NCOR2: variants seen among roughly 807,000 people sequenced by gnomAD.
NCOR2 encodes CTG repeat protein 26.
Under a neutral mutation model 262.9 loss-of-function variants are expected in NCOR2, and 81 were observed. The ratio of observed to expected loss-of-function variants is 0.31; its 90% confidence interval spans 0.26 to 0.37. The LOEUF (loss-of-function observed/expected upper bound fraction) is 0.37. Ranked by LOEUF, NCOR2 falls within the 10% of genes least tolerant of loss-of-function variation. The probability of loss-of-function intolerance (pLI) is 1.00; values close to 1 mark genes in which losing one functional copy is unlikely to be tolerated. For synonymous variants in NCOR2, 1,659 were observed against 1,559.3 expected, an observed-to-expected ratio of 1.06 and a Z score of -1.51; for missense variants, 3,385 against 3,621.4, an observed-to-expected ratio of 0.93 and a Z score of 1.68.
At chr12:124,489,840 G>C (rs1176283622) in intron 1 of NCOR2, among the ~76,000 whole-genome samples, 1 of 152,192 alleles carries the variant, frequency 6.6e-6, no homozygotes, top group East Asian at 1.9e-4. Flanking sequence ...CTAGATGCGG[G>C]GGGATGTTTG....
At chr12:124,527,735 T>C (rs1377449493) in intron 1 of NCOR2, among the ~76,000 whole-genome samples, 1 of 152,128 alleles carries the variant, frequency 6.6e-6, no homozygotes, top group Admixed American at 6.5e-5. Flanking sequence ...TTAAATAAAT[T>C]ATAACATGTG....
At chr12:124,369,948 C>T (rs1415327866) in intron 20 of NCOR2, among the ~76,000 whole-genome samples, 1 of 152,194 alleles carries the variant, frequency 6.6e-6, no homozygotes, top group Non-Finnish European at 1.5e-5. Flanking sequence ...CAGTCCGGGG[C>T]CAGCCACATG....
upstream of NCOR2, among the ~76,000 whole-genome samples, chr12:124,498,255 G>A (rs573742927): frequency 5.9e-5 from 9 of 152,282 alleles, no homozygotes; most frequent in East Asian, 1.7e-3. Context: ...GGGGGTGACA[G>A]GCCCCTGGCA....
intron 10 of NCOR2, among the ~76,000 whole-genome samples, chr12:124,427,771 C>G (rs1201272235): frequency 1.3e-5 from 2 of 152,168 alleles, no homozygotes; most frequent in South Asian, 4.1e-4. Context: ...ACCCCCGGCA[C>G]GGCCACAGGC....
At chr12:124,325,381 C>CCA (rs1555297240) in exon 47 of NCOR2, 3 of 380,678 alleles carry the variant, frequency 7.9e-6, no homozygotes, top group East Asian at 4.5e-5. Context: ...GACACCGCCC[C>CCA]CCCCCCCGCC....
At chr12:124,473,068 C>G (rs1437097444) in exon 4 of NCOR2, 2 of 1,614,136 alleles carry the variant, frequency 1.2e-6, no homozygotes, top group Non-Finnish European at 1.7e-6. Flanking sequence ...AGCTCCAGCT[C>G]AGGGTCAGTG....
intron 37 of NCOR2, 102 bp downstream of exon 39, chr12:124,339,904 C>CCCCTCCCCTAT: frequency 1.2e-5 from 9 of 776,806 alleles, no homozygotes; most frequent in South Asian, 5.5e-5. Flanking sequence ...CCCACCCACC[C>CCCCTCCCCTAT]ACCTCCCATA....
chr12:124,439,259 AGATG>A (rs1565945463), intron 7 of NCOR2, among the ~76,000 whole-genome samples: 13,718 of 80,920 alleles, frequency 0.17, 5 homozygotes, highest in South Asian at 0.2. Context: ...AGAGAGAGAG[AGATG>A]GAGACCCTGA....
chr12:124,461,391 C>A (rs542842147), intron 5 of NCOR2, among the ~76,000 whole-genome samples: 3 of 152,238 alleles, frequency 2.0e-5, no homozygotes, highest in Admixed American at 6.5e-5. Flanking sequence ...CTCTCGCCAG[C>A]CAACTGAGAT....
chr12:124,408,891 G>GTT (rs1249965675), intron 13 of NCOR2, among the ~76,000 whole-genome samples: 2 of 152,198 alleles, frequency 1.3e-5, no homozygotes, highest in Non-Finnish European at 2.9e-5. Context: ...CATGCACAGG[G>GTT]TGAGAACAGG....
chr12:124,378,088 C>A lies in NCOR2; in HGVS notation c.2167+149G>T. 6.8e-7 allele frequency: 1 copy of A among 1,469,414 alleles called. No individual in the cohort carries two copies. Among genetic ancestry groups the A allele is most frequent in the Non-Finnish European group, 9.0e-7 (1 of 1,105,924 alleles). 91.0% of individuals were successfully genotyped at this position (1,469,414 alleles called of 1,614,324 possible). A position where few individuals can be genotyped will look rare whatever the true frequency, so the allele number is the denominator to read the frequency against. On this transcript the variant is annotated intron_variant, in intron 18 of 46. Transcript: ENST00000405201. This position sits in a 1 kb window ranked among gnomAD's most constrained non-coding sequence, Gnocchi z 4.2. ...ACTGGTGAGTTTCTGGCAAGTCAGG[C>A]CCGCACCTTCCAGGGAGTCGAGGCC...
intron 1 of NCOR2, among the ~76,000 whole-genome samples, chr12:124,552,359 G>A (rs1023029343): frequency 5.4e-4 from 82 of 152,070 alleles, no homozygotes; most frequent in Admixed American, 3.3e-3. Context: ...AATAAAGAAA[G>A]CACAAATGTC....
chr12:124,390,200 C>A (rs2041193315), intron 16 of NCOR2, among the ~76,000 whole-genome samples: 1 of 152,144 alleles, frequency 6.6e-6, no homozygotes, highest in African/African-American at 2.4e-5. Flanking sequence ...GATGCCAACC[C>A]CGTGAAATCA....
chr12:124,340,670 C>T (rs779843766), exon 35 of NCOR2: 47 of 1,509,692 alleles, frequency 3.1e-5, no homozygotes, highest in South Asian at 2.0e-4. Context: ...GTAGGCAAGG[C>T]GGTCCATGGC....
rs2046020072 is a variant in NCOR2, at chr12:124,458,869, A to G, written c.706-1707T>C. On this transcript the variant is annotated intron_variant, in intron 5 of 46. Transcript: ENST00000405201. ...CCCAGCCACACCCTCGAAGCAGGAA[A>G]GAGTCTGCCCTGGGGTACTGAAGAT... Among the ~76,000 whole-genome samples the G allele has an allele frequency of 2.6e-5, 4 of 152,154 alleles. No individual in the cohort carries two copies. In the South Asian group the frequency reaches 8.3e-4, roughly 32 times the overall value.
chr12:124,386,563 C>T (rs1387229854), intron 16 of NCOR2, among the ~76,000 whole-genome samples: 1 of 152,186 alleles, frequency 6.6e-6, no homozygotes, highest in African/African-American at 2.4e-5. Flanking sequence ...GCTCCCAAAC[C>T]CCAACCCGCA....
chr12:124,542,779 G>A (rs952584513), intron 1 of NCOR2: 2 of 152,262 alleles, frequency 1.3e-5, no homozygotes, highest in Non-Finnish European at 2.9e-5. Context: ...TCCCACACGG[G>A]GTGAACAAGG....
intron 13 of NCOR2, among the ~76,000 whole-genome samples, chr12:124,407,508 G>C (rs965914396): frequency 6.6e-6 from 1 of 152,066 alleles, no homozygotes; most frequent in Non-Finnish European, 1.5e-5. Flanking sequence ...GGGAGCCCCC[G>C]GGGACCTTTC....
chr12:124,364,651 C>T (rs2038879992), intron 20 of NCOR2, among the ~76,000 whole-genome samples: 1 of 152,318 alleles, frequency 6.6e-6, no homozygotes, highest in Admixed American at 6.5e-5. Context: ...AGGAAGCCTT[C>T]CAGGATTTCT....
Sources: allele counts gnomAD v4.1 joint callset (sites outside exome capture counted in the v4.1 genomes callset), GRCh38; gene constraint gnomAD v4.1.1; non-coding constraint Gnocchi (gnomAD v3.1); transcripts MANE v1.5; gene names NCBI Gene and HGNC (gene_info 2026-07-23, HGNC 2026-07-21).